GREB1L: variants seen among roughly 807,000 people sequenced by gnomAD.
GREB1L encodes the protein GREB1-like protein.
Under a neutral mutation model 200.8 loss-of-function variants are expected in GREB1L, and 17 were observed. The observed-to-expected ratio is 0.08, with a 90% CI of 0.06 to 0.13. The LOEUF (loss-of-function observed/expected upper bound fraction) is 0.13, where lower values mean the gene tolerates loss of function less well. GREB1L is among the 10% of genes least tolerant of loss of function. GREB1L has a pLI of 1.00. For missense variants in GREB1L, 1,657 were observed against 2,367.7 expected (o/e 0.70, Z 6.23); for synonymous variants, 789 against 893.0 (o/e 0.88, Z 2.08).
At chr18:21,443,539 T>C (rs911074857) in intron 10 of GREB1L, among the ~76,000 whole-genome samples, 1 of 152,262 alleles carries the variant, frequency 6.6e-6, no homozygotes, top group African/African-American at 2.4e-5. Flanking sequence ...TGATTTCTTA[T>C]CTGAAAATAA....
chr18:21,323,974 A>C (rs2038987522), intron 1 of GREB1L, among the ~76,000 whole-genome samples: 3 of 152,238 alleles, frequency 2.0e-5, no homozygotes, highest in South Asian at 4.1e-4. Context: ...TAACCTATGG[A>C]TACACAGAGG....
intron 1 of GREB1L, among the ~76,000 whole-genome samples, chr18:21,276,848 G>T (rs1263358644): frequency 1.3e-5 from 2 of 150,024 alleles, no homozygotes; most frequent in South Asian, 4.2e-4. Flanking sequence ...GAAAGGAAGC[G>T]TTTTTGATAC....
intron 5 of GREB1L, among the ~76,000 whole-genome samples, chr18:21,399,036 T>A (rs747054083): frequency 6.6e-6 from 1 of 152,218 alleles, no homozygotes; most frequent in Non-Finnish European, 1.5e-5. Context: ...ATTCTCTCCT[T>A]TGCAGATTAT....
intron 1 of GREB1L, among the ~76,000 whole-genome samples, chr18:21,260,510 G>A (rs2037872109): frequency 6.6e-6 from 1 of 151,906 alleles, no homozygotes; most frequent in Non-Finnish European, 1.5e-5. Flanking sequence ...AAGTTAGCCT[G>A]CTAAATTTTA....
intron 15 of GREB1L, among the ~76,000 whole-genome samples, chr18:21,456,284 A>C (rs1468464418): frequency 6.6e-6 from 1 of 152,188 alleles, no homozygotes; most frequent in Admixed American, 6.5e-5. Flanking sequence ...CTCAGTGAGA[A>C]ATCTTGCTTG....
chr18:21,320,493 ATG>A (rs1238894312), intron 1 of GREB1L, among the ~76,000 whole-genome samples: 1 of 152,108 alleles, frequency 6.6e-6, no homozygotes, highest in Non-Finnish European at 1.5e-5. Context: ...ACCAGGCGTG[ATG>A]GCTCACGCCT....
intron 15 of GREB1L, chr18:21,468,873 C>T (rs2035371783): frequency 2.3e-6 from 1 of 433,006 alleles, no homozygotes; most frequent in African/African-American, 2.0e-5. Context: ...AGTTTTCTCA[C>T]AATTAAATTG....
chr18:21,387,847 T>G (rs2040608955), intron 4 of GREB1L, among the ~76,000 whole-genome samples: 1 of 152,220 alleles, frequency 6.6e-6, no homozygotes, highest in Non-Finnish European at 1.5e-5. Context: ...TATCCACTCT[T>G]TTTTACAGAC....
chr18:21,299,612 T>A (rs1477280924), intron 1 of GREB1L, among the ~76,000 whole-genome samples: 1 of 151,982 alleles, frequency 6.6e-6, no homozygotes, highest in Non-Finnish European at 1.5e-5. Context: ...GTGTTTGTCA[T>A]CAAGAGTGTC....
In GREB1L at chr18:21,473,218, G is replaced by A; in HGVS notation, c.2363+7G>A. 1 of 1,482,244 alleles carries A rather than the reference G, an allele frequency of 6.7e-7. No individual in the cohort carries two copies. The highest frequency in any genetic ancestry group is 9.0e-7 in the Non-Finnish European group (1 of 1,109,656). The allele number at this position is 1,482,244 out of a possible 1,614,324, so 91.8% of individuals were successfully genotyped here. A position where few individuals can be genotyped will look rare whatever the true frequency, so the allele number is the denominator to read the frequency against. On this transcript the variant is annotated splice_region_variant and intron_variant, in intron 16 of 32. Coordinates refer to ENST00000424526, the MANE Select transcript of GREB1L (RefSeq NM_001142966.3). ...CCCATGTGGAACTAACGAGGTGATT[G>A]GTTCAGAGTGAGCAAATGGAGTCTC...
At chr18:21,382,645 C>A (rs2040369669) in intron 2 of GREB1L, among the ~76,000 whole-genome samples, 1 of 151,904 alleles carries the variant, frequency 6.6e-6, no homozygotes, top group African/African-American at 2.4e-5. Context: ...GCACATGCCA[C>A]CATGCCTGGC....
At chr18:21,483,075 C>G (rs1357926641) in intron 17 of GREB1L, among the ~76,000 whole-genome samples, 3 of 152,156 alleles carry the variant, frequency 2.0e-5, no homozygotes, top group African/African-American at 7.2e-5. Flanking sequence ...TTTAGTAGCT[C>G]TAGTTCTCAA....
intron 3 of GREB1L, 101 bp from the exon 4 acceptor site, chr18:21,384,105 A>G (rs1349565606): frequency 1.2e-6 from 1 of 849,500 alleles, no homozygotes; most frequent in Non-Finnish European, 1.8e-6. Context: ...TAAATGTTAG[A>G]AAATGCTAGA....
chr18:21,505,836 G>A lies in GREB1L; in HGVS notation c.4255G>A (p.Glu1419Lys). The A allele has an allele frequency of 6.4e-7, 1 of 1,551,852 alleles. No individual in the cohort carries two copies. The highest frequency in any genetic ancestry group is 8.7e-7 in the Non-Finnish European group (1 of 1,147,010). ...AGTGATAAAGGAATCCAAAGTTGAA[G>A]AGCCCAGGAAACGGGAAACTGTATC... ...QEVIKESKVE[E>K]PRKRETVSIM... The change falls in exon 25 of 33, where the codon GAG (glutamate) becomes AAG (lysine). Residue 1419 changes from glutamate to lysine, a missense_variant. By Grantham distance (56) the Glu-to-Lys change is moderately conservative. Coordinates refer to ENST00000424526, the MANE Select transcript of GREB1L (RefSeq NM_001142966.3).
intron 1 of GREB1L, among the ~76,000 whole-genome samples, chr18:21,251,185 ACTT>A (rs1372797423): frequency 7.1e-6 from 1 of 140,960 alleles, no homozygotes; most frequent in Non-Finnish European, 1.5e-5. Flanking sequence ...AACTGTAGTT[ACTT>A]CTTTTTTAAA....
intron 7 of GREB1L, among the ~76,000 whole-genome samples, chr18:21,426,649 GCTTTT>G (rs1388111906): frequency 1.1e-4 from 17 of 152,064 alleles, no homozygotes; most frequent in Non-Finnish European, 1.6e-4. Context: ...CTCCAGCTTT[GCTTTT>G]CTTTTTCAAG....
In GREB1L at chr18:21,499,829, G is replaced by T. The variant is rs1397674356; in HGVS notation, c.3492G>T (p.Gly1164=). 1 of 1,551,794 alleles carries T rather than the reference G, an allele frequency of 6.4e-7. No individual in the cohort carries two copies. Among genetic ancestry groups the T allele is most frequent in the Non-Finnish European group, 8.7e-7 (1 of 1,147,010 alleles). ...TTCAGAGCCCAGCCACCAGCTTGGG[G>T]CTGGATGAAGGGGTCTCCGCCAGCT... The part of the protein sequence containing the change: ...PSFQSPATSL[G]LDEGVSASSA... The change falls in exon 22 of 33, where the codon GGG becomes GGT. Residue 1164 remains glycine (G), a synonymous_variant. Coordinates refer to ENST00000424526, the MANE Select transcript of GREB1L (RefSeq NM_001142966.3).
At chr18:21,367,162 A>G (rs1227759957) in intron 2 of GREB1L, among the ~76,000 whole-genome samples, 1 of 152,212 alleles carries the variant, frequency 6.6e-6, no homozygotes, top group African/African-American at 2.4e-5. Flanking sequence ...TAAAAGGAGC[A>G]GCCTCCTAAA....
In GREB1L at chr18:21,505,873, C is replaced by G. The variant is rs1250654884; in HGVS notation, c.4292C>G (p.Thr1431Ser). 6.4e-6 allele frequency: 10 copies of G among 1,551,772 alleles called. No individual in the cohort carries two copies. The highest frequency in any genetic ancestry group is 1.4e-5 in the African/African-American group (1 of 73,022). Residue 1431 changes from threonine to serine, a missense_variant, in exon 25 of 33, where the codon ACC (threonine) becomes AGC (serine). Thr to Ser is a moderately conservative substitution (Grantham distance 58). Around this residue, in one of 9 missense-constraint regions of GREB1L, gnomAD observed 512 missense variants for 668.3 expected, o/e 0.77. Coordinates refer to ENST00000424526, the MANE Select transcript of GREB1L (RefSeq NM_001142966.3). ...RKRETVSIMLTKYAAYNTFHH... is the reference protein window; with the variant it reads ...RKRETVSIMLSKYAAYNTFHH... ...CGGGAAACTGTATCCATAATGCTGA[C>G]CAAATATGCAGCCTATAACACCTTT... is the stretch of plus-strand genomic sequence containing the variant.
Sources: allele counts gnomAD v4.1 joint callset (sites outside exome capture counted in the v4.1 genomes callset), GRCh38; gene constraint gnomAD v4.1.1; regional missense constraint gnomAD v4.1.1; transcripts MANE v1.5; gene names NCBI Gene and HGNC (gene_info 2026-07-23, HGNC 2026-07-21).